The following SIK3 variants were observed in gnomAD, a reference collection of about 807,000 sequenced individuals.
The protein encoded by SIK3 is serine/threonine-protein kinase SIK3.
Under a neutral mutation model 144.2 loss-of-function variants are expected in SIK3, and 28 were observed. The ratio of observed to expected loss-of-function variants is 0.19; its 90% confidence interval spans 0.14 to 0.27. The LOEUF (loss-of-function observed/expected upper bound fraction) is 0.27. Among genes scored for constraint, SIK3 ranks in the 10% least tolerant of loss-of-function variants. SIK3 has a pLI of 1.00. For synonymous variants in SIK3, 686 were observed against 676.3 expected, an observed-to-expected ratio of 1.01 and a Z score of -0.22; for missense variants, 1,319 against 1,776.0, an observed-to-expected ratio of 0.74 and a Z score of 4.62.
Position 116,897,331 on chromosome 11 carries a change from T to G in SIK3, c.617-14A>C, listed in dbSNP as rs1166335832. 19 of 1,611,484 alleles carry G rather than the reference T, an allele frequency of 1.2e-5. No individual in the cohort carries two copies. Among genetic ancestry groups the G allele is most frequent in the Non-Finnish European group, 1.4e-5 (17 of 1,178,494 alleles). On this transcript the variant is annotated splice_polypyrimidine_tract_variant and intron_variant, in intron 4 of 24. Coordinates refer to ENST00000445177, the MANE Select transcript of SIK3 (RefSeq NM_001366686.3). ...TGAAACCAAAATCTAGAAAGGCAAATGGACATAATTCGTATTATTGTAACC... is the reference window on the plus strand; with the variant it reads ...TGAAACCAAAATCTAGAAAGGCAAAGGGACATAATTCGTATTATTGTAACC...
chr11:116,996,236 A>G (rs1193311283), intron 1 of SIK3, among the ~76,000 whole-genome samples: 1 of 152,116 alleles, frequency 6.6e-6, no homozygotes, highest in African/African-American at 2.4e-5. Flanking sequence ...TGAACCTGGG[A>G]GACAAAGGTT....
Position 117,090,511 on chromosome 11 carries a change from G to A in SIK3, c.273+7632C>T, listed in dbSNP as rs114842424. Among the ~76,000 whole-genome samples, 967 of 152,290 alleles carry A rather than the reference G, an allele frequency of 6.3e-3. 8 individuals carry two copies. Among genetic ancestry groups the A allele is most frequent in the African/African-American group, 0.019 (809 of 41,554 alleles). On this transcript the variant is annotated intron_variant, in intron 1 of 24. Coordinates refer to ENST00000445177, the MANE Select transcript of SIK3 (RefSeq NM_001366686.3). The stretch of plus-strand genomic sequence containing the variant: ...TATAAGATGTCACCATCCCTGGAAA[G>A]TGTTAGTCATTTAGTAAGTGAGGAG...
At chr11:116,934,225 C>G (rs866973686) in intron 3 of SIK3, among the ~76,000 whole-genome samples, 2 of 152,248 alleles carry the variant, frequency 1.3e-5, no homozygotes, top group Non-Finnish European at 2.9e-5. Flanking sequence ...AATACTGTGT[C>G]TAGTACAATG....
chr11:116,986,748 A>G (rs1950338693), intron 1 of SIK3, among the ~76,000 whole-genome samples: 1 of 152,220 alleles, frequency 6.6e-6, no homozygotes, highest in Non-Finnish European at 1.5e-5. Context: ...CAGAAGACTG[A>G]CTGATACTCT....
At chr11:116,868,754 C>G (rs551718544) in intron 14 of SIK3, 1 of 152,436 alleles carries the variant, frequency 6.6e-6, no homozygotes, top group South Asian at 2.1e-4. Context: ...AGGGAAAAAG[C>G]AAGGCAAAAA....
chr11:117,015,896 A>C (rs1951503470), intron 1 of SIK3: 1 of 152,168 alleles, frequency 6.6e-6, no homozygotes, highest in South Asian at 2.1e-4. Context: ...AATGTTTGAC[A>C]GGCTGGTCCT....
chr11:116,932,615 T>C (rs1947676816), intron 3 of SIK3, among the ~76,000 whole-genome samples: 1 of 152,140 alleles, frequency 6.6e-6, no homozygotes, highest in African/African-American at 2.4e-5. Flanking sequence ...ACAAAAATAT[T>C]TCACCACCAC....
chr11:116,847,141 C>G (rs550434077), intron 23 of SIK3, among the ~76,000 whole-genome samples: 12 of 152,324 alleles, frequency 7.9e-5, no homozygotes, highest in Non-Finnish European at 1.2e-4. Context: ...TGTTATGACA[C>G]CCTCCCTTGA....
chr11:117,046,425 G>A (rs887445290), intron 1 of SIK3, among the ~76,000 whole-genome samples: 7 of 152,052 alleles, frequency 4.6e-5, no homozygotes, highest in Admixed American at 1.3e-4. Context: ...TTAATGGGGG[G>A]AAAAAGGTGT....
At chr11:117,091,397 G>A (rs1214959646) in intron 1 of SIK3, among the ~76,000 whole-genome samples, 1 of 151,716 alleles carries the variant, frequency 6.6e-6, no homozygotes, top group Non-Finnish European at 1.5e-5. Flanking sequence ...GTAAAAACAG[G>A]GTTTCGCCAT....
intron 6 of SIK3, among the ~76,000 whole-genome samples, chr11:116,888,734 G>A (rs992035515): frequency 3.2e-4 from 48 of 152,234 alleles, no homozygotes; most frequent in Non-Finnish European, 5.6e-4. Context: ...TGCTACTTAG[G>A]GAATTATTTA....
rs528586540 is a variant in SIK3, at chr11:116,983,400, G to T, written c.274-26336C>A. On this transcript the variant is annotated intron_variant, in intron 1 of 24. Transcript: ENST00000445177. ...CAAAAATTAGCCAGGCATGTTGGAG[G>T]GCGCCTGTAATCCCAGCTACTCGGG... Among the ~76,000 whole-genome samples, 53 of 151,622 alleles carry T rather than the reference G, an allele frequency of 3.5e-4. 1 individual carries two copies. The highest frequency in any genetic ancestry group is 1.3e-3 in the African/African-American group (53 of 41,328).
At chr11:116,956,927 G>T in intron 2 of SIK3, 21 bp downstream of exon 2, 1 of 1,479,886 alleles carries the variant, frequency 6.8e-7, no homozygotes, top group Non-Finnish European at 9.2e-7. Context: ...GCAGCTATCT[G>T]CTATACACTA....
chr11:116,953,218 T>C (rs910162517), intron 3 of SIK3, among the ~76,000 whole-genome samples: 11 of 152,170 alleles, frequency 7.2e-5, no homozygotes, highest in Non-Finnish European at 1.5e-4. Flanking sequence ...AAGGAGCAAA[T>C]GTTTAAAATA....
At chr11:116,959,682 G>C (rs1949271481) in intron 1 of SIK3, among the ~76,000 whole-genome samples, 2 of 152,140 alleles carry the variant, frequency 1.3e-5, no homozygotes, top group South Asian at 4.2e-4. Flanking sequence ...GCATTCTGAA[G>C]CAATAGGATC....
At chr11:116,855,412 G>C (rs950693425) in intron 21 of SIK3, 2 of 152,342 alleles carry the variant, frequency 1.3e-5, no homozygotes, top group Admixed American at 1.3e-4. Context: ...CACAGCACTT[G>C]CACCAACAGT....
intron 1 of SIK3, among the ~76,000 whole-genome samples, chr11:116,986,138 C>A (rs1173844505): frequency 6.6e-6 from 1 of 152,166 alleles, no homozygotes; most frequent in Non-Finnish European, 1.5e-5. Context: ...CTCTGAAGAA[C>A]AATTTCTAAA....
intron 3 of SIK3, among the ~76,000 whole-genome samples, chr11:116,941,405 A>G (rs1948293431): frequency 1.9e-5 from 1 of 53,836 alleles, no homozygotes; most frequent in Admixed American, 1.6e-4. Context: ...AAATAAAAAC[A>G]TGTAAAAAAA....
chr11:116,980,242 G>A (rs973164251), intron 1 of SIK3, among the ~76,000 whole-genome samples: 1 of 152,108 alleles, frequency 6.6e-6, no homozygotes, highest in Admixed American at 6.6e-5. Context: ...GTTAGCCTAC[G>A]ACTGAGCAAA....
Sources: allele counts gnomAD v4.1 joint callset (sites outside exome capture counted in the v4.1 genomes callset), GRCh38; gene constraint gnomAD v4.1.1; transcripts MANE v1.5; gene names NCBI Gene and HGNC (gene_info 2026-07-23, HGNC 2026-07-21).